The following SPATA16 variants were observed in gnomAD, a reference collection of about 807,000 sequenced individuals.
SPATA16 encodes spermatogenesis associated 16.
SPATA16 carries 36 observed loss-of-function variants against 63.3 expected under a neutral mutation model. The ratio of observed to expected loss-of-function variants is 0.57; its 90% CI spans 0.44 to 0.75. The LOEUF is 0.75. Ranked by LOEUF, SPATA16 falls within the 30% of genes least tolerant of loss-of-function variation. The pLI is 0.00. For missense variants in SPATA16, 646 were observed against 679.3 expected (o/e 0.95, Z 0.54); for synonymous variants, 203 against 216.7 (o/e 0.94, Z 0.56).
intron 8 of SPATA16, among the ~76,000 whole-genome samples, chr3:172,923,342 A>T (rs1268384298): frequency 6.6e-6 from 1 of 152,226 alleles, no homozygotes; most frequent in Non-Finnish European, 1.5e-5. Flanking sequence ...CAAACAGATT[A>T]GGTGTTTTTT....
intron 6 of SPATA16, among the ~76,000 whole-genome samples, chr3:172,952,284 T>C (rs1733452755): frequency 6.6e-6 from 1 of 152,202 alleles, no homozygotes; most frequent in African/African-American, 2.4e-5. Context: ...CTACTTGTTA[T>C]GATGTAGGAC....
intron 4 of SPATA16, among the ~76,000 whole-genome samples, chr3:172,982,734 T>TGTACTC (rs1734349904): frequency 6.6e-6 from 1 of 152,234 alleles, no homozygotes; most frequent in Non-Finnish European, 1.5e-5. Flanking sequence ...TATTTGTAAT[T>TGTACTC]AATATCACAA....
rs1360956555 is a variant in SPATA16, at chr3:172,916,413, C to T, written c.1407G>A (p.Gln469=). ...LQYASLLSQL[Q]RVKEQSQVIN... ...TCACCTGGGACTGCTCCTTTACTCTCTGCAGCTGGCTGAGGAGGCTGGCAT... is the reference window on the plus strand; with the variant it reads ...TCACCTGGGACTGCTCCTTTACTCTTTGCAGCTGGCTGAGGAGGCTGGCAT... The change falls in exon 9 of 11, where the codon CAG becomes CAA. Residue 469 remains glutamine, a synonymous_variant. Transcript: ENST00000351008. The T allele has an allele frequency of 2.5e-6, 4 of 1,613,900 alleles. No individual in the cohort carries two copies. Among genetic ancestry groups the T allele is most frequent in the East Asian group, 4.5e-5 (2 of 44,884 alleles).
intron 5 of SPATA16, among the ~76,000 whole-genome samples, chr3:172,970,011 C>A (rs1734012160): frequency 1.3e-5 from 2 of 152,146 alleles, no homozygotes. Context: ...GTCGAGATTA[C>A]CCTCAACTAG....
chr3:172,955,531 A>G (rs1733573222), intron 6 of SPATA16, among the ~76,000 whole-genome samples: 1 of 152,120 alleles, frequency 6.6e-6, no homozygotes, highest in Non-Finnish European at 1.5e-5. Context: ...TATGGCCCGT[A>G]TTATGCTTCT....
At chr3:173,026,479 C>A (rs1373425111) in intron 3 of SPATA16, among the ~76,000 whole-genome samples, 1 of 151,662 alleles carries the variant, frequency 6.6e-6, no homozygotes, top group Non-Finnish European at 1.5e-5. Flanking sequence ...TAGTTTATAC[C>A]TTTAAAATAT....
chr3:173,033,273 A>T (rs1735644717), intron 3 of SPATA16, among the ~76,000 whole-genome samples: 1 of 152,188 alleles, frequency 6.6e-6, no homozygotes. Flanking sequence ...ATGCCTGGAT[A>T]GAGTGAACGT....
intron 10 of SPATA16, among the ~76,000 whole-genome samples, chr3:172,897,493 A>G (rs570599401): frequency 6.6e-6 from 1 of 152,254 alleles, no homozygotes; most frequent in East Asian, 1.9e-4. Context: ...TAGGCATACA[A>G]TTCATGTAGA....
intron 3 of SPATA16, among the ~76,000 whole-genome samples, chr3:173,045,466 C>T (rs1036211766): frequency 6.6e-6 from 1 of 152,090 alleles, no homozygotes; most frequent in Non-Finnish European, 1.5e-5. Context: ...GATTCAGTAC[C>T]AATAACTGTG....
chr3:173,095,571 T>G (rs552814492), intron 2 of SPATA16, among the ~76,000 whole-genome samples: 1 of 152,292 alleles, frequency 6.6e-6, no homozygotes, highest in Admixed American at 6.5e-5. Flanking sequence ...AATATATCCC[T>G]TCTATCAATC....
chr3:173,102,153 G>A (rs1335983883), intron 2 of SPATA16, among the ~76,000 whole-genome samples: 1 of 152,096 alleles, frequency 6.6e-6, no homozygotes, highest in African/African-American at 2.4e-5. Context: ...ATTTCTCTCT[G>A]TAGTCTGTCT....
At chr3:173,137,874 G>GAC (rs1738593990) in intron 1 of SPATA16, among the ~76,000 whole-genome samples, 2 of 62,304 alleles carry the variant, frequency 3.2e-5, no homozygotes, top group African/African-American at 5.5e-5. Flanking sequence ...CACACACACA[G>GAC]ACACACACAC....
chr3:172,905,801 C>T (rs1165199649), intron 10 of SPATA16, among the ~76,000 whole-genome samples: 5 of 152,174 alleles, frequency 3.3e-5, no homozygotes, highest in Non-Finnish European at 7.4e-5. Context: ...TTCATTGAAG[C>T]TTAGGAGGTA....
rs6787087 is a variant in SPATA16, at chr3:172,948,955, G to A, written c.1081+7722C>T. Among the ~76,000 whole-genome samples the A allele has an allele frequency of 8.1e-3, 1,237 of 152,270 alleles. 16 individuals carry two copies. Among genetic ancestry groups the A allele is most frequent in the African/African-American group, 0.028 (1,184 of 41,544 alleles). On this transcript the variant is annotated intron_variant, in intron 6 of 10. Transcript: ENST00000351008. ...TCAGGTTTATAACATTTCAAAGCAG[G>A]CAAATTGAAGTCTAGAGTTTAGGAA...
chr3:172,907,594 A>G (rs1416449723), intron 10 of SPATA16, among the ~76,000 whole-genome samples: 1 of 146,864 alleles, frequency 6.8e-6, no homozygotes, highest in Non-Finnish European at 1.5e-5. Flanking sequence ...TTTTTTTTTG[A>G]GACAGAGTTT....
At chr3:173,022,913 A>G (rs1465606223) in intron 3 of SPATA16, among the ~76,000 whole-genome samples, 1 of 152,132 alleles carries the variant, frequency 6.6e-6, no homozygotes, top group Non-Finnish European at 1.5e-5. Flanking sequence ...AATTTTTGTC[A>G]GAAGAAAAGG....
chr3:173,010,859 C>T (rs1735056018), intron 4 of SPATA16, among the ~76,000 whole-genome samples: 1 of 152,076 alleles, frequency 6.6e-6, no homozygotes, highest in Non-Finnish European at 1.5e-5. Flanking sequence ...GGCTGCCCCT[C>T]CCCATTACAG....
chr3:172,954,500 G>A (rs1733525364), intron 6 of SPATA16, among the ~76,000 whole-genome samples: 1 of 152,104 alleles, frequency 6.6e-6, no homozygotes, highest in Non-Finnish European at 1.5e-5. Flanking sequence ...AAAACAAAGT[G>A]TTTACTCTTC....
intron 3 of SPATA16, among the ~76,000 whole-genome samples, chr3:173,027,855 A>G (rs1735487002): frequency 6.6e-6 from 1 of 151,850 alleles, no homozygotes; most frequent in South Asian, 2.1e-4. Context: ...CTACTTCTCA[A>G]TCAGAAGCTA....
Sources: allele counts gnomAD v4.1 joint callset (sites outside exome capture counted in the v4.1 genomes callset), GRCh38; gene constraint gnomAD v4.1.1; transcripts MANE v1.5; gene names NCBI Gene and HGNC (gene_info 2026-07-23, HGNC 2026-07-21).